The following MARK2 variants were observed in gnomAD, a reference collection of about 807,000 sequenced individuals.
The protein encoded by MARK2 is microtubule affinity regulating kinase 2, also known as serine/threonine-protein kinase MARK2.
Under a neutral mutation model 89.8 loss-of-function variants are expected in MARK2, and 16 were observed. That is an observed-to-expected ratio of 0.18 (90% CI 0.12 to 0.27). MARK2 has a LOEUF of 0.27. Among genes scored for constraint, MARK2 ranks in the 10% least tolerant of loss-of-function variants. MARK2 has a pLI of 1.00. For missense variants in MARK2, 621 were observed against 1,049.9 expected (o/e 0.59, Z 5.65); for synonymous variants, 382 against 399.5 (o/e 0.96, Z 0.52).
intron 1 of MARK2, among the ~76,000 whole-genome samples, chr11:63,841,387 G>A (rs2016008438): frequency 6.6e-6 from 1 of 152,118 alleles, no homozygotes; most frequent in Admixed American, 6.5e-5. Flanking sequence ...TGAGAGGGAG[G>A]GATGGTTGAT....
intron 3 of MARK2, among the ~76,000 whole-genome samples, chr11:63,897,311 A>G (rs1188879372): frequency 6.6e-6 from 1 of 152,242 alleles, no homozygotes; most frequent in Non-Finnish European, 1.5e-5. Flanking sequence ...AAAAAGTAAG[A>G]AAAACCTAGG....
At chr11:63,882,528 G>C (rs1004308464) in intron 1 of MARK2, 1 of 152,112 alleles carries the variant, frequency 6.6e-6, no homozygotes, top group Non-Finnish European at 1.5e-5. Context: ...AGGTTGCAGT[G>C]AGCCGAGATC....
At position 63,903,864 on chromosome 11, in the gene MARK2, C is replaced by CTG; in HGVS notation, c.1515-122_1515-121insTG. The CTG allele has an allele frequency of 1.4e-6, 1 of 734,092 alleles. No homozygotes were observed. Among genetic ancestry groups the CTG allele is most frequent in the African/African-American group, 1.8e-5 (1 of 56,018 alleles). 45.5% of individuals were successfully genotyped at this position (734,092 alleles called of 1,614,324 possible). On this transcript the variant is annotated intron_variant, in intron 14 of 18. Transcript: ENST00000402010. The surrounding 1 kb of genome is among the most constrained non-coding windows in gnomAD (Gnocchi z 5.1). The stretch of plus-strand genomic sequence containing the variant: ...GACTTGCATCCCGCTGCTGCCCAGG[C>CTG]CTGACTTCTACCCTGCCAGAGCTCC...
chr11:63,892,495 C>T (rs1324266781), intron 1 of MARK2, among the ~76,000 whole-genome samples: 1 of 152,066 alleles, frequency 6.6e-6, no homozygotes, highest in Non-Finnish European at 1.5e-5. Context: ...TTTTTGAGTG[C>T]TTCACGTACA....
intron 1 of MARK2, chr11:63,890,356 AG>A: frequency 9.3e-7 from 1 of 1,080,942 alleles, no homozygotes; most frequent in Non-Finnish European, 1.3e-6. Context: ...AGTCCCGAAA[AG>A]GGGGTTGGTG....
chr11:63,866,713 G>GT (rs1938154295), intron 1 of MARK2, among the ~76,000 whole-genome samples: 1 of 151,850 alleles, frequency 6.6e-6, no homozygotes, highest in Non-Finnish European at 1.5e-5. Flanking sequence ...GTGTTTTTTT[G>GT]TTTTTTGTTT....
rs138070505 is a variant in MARK2 at position 63,901,732 on chromosome 11, G to A, written c.1102-466G>A. On this transcript the variant is annotated intron_variant, in intron 11 of 18. Coordinates refer to ENST00000402010, the MANE Select transcript of MARK2 (RefSeq NM_001039469.3). ...TGTGTGTGTGTGTGTGTATGTGTCCGTCTTCCCGTCTGTGGATCTGGAGAC... is the reference window on the plus strand; with the variant it reads ...TGTGTGTGTGTGTGTGTATGTGTCCATCTTCCCGTCTGTGGATCTGGAGAC... Among the ~76,000 whole-genome samples, 892 of 150,968 alleles carry A rather than the reference G, an allele frequency of 5.9e-3. 8 individuals carry two copies. Among genetic ancestry groups the A allele is most frequent in the Non-Finnish European group, 8.6e-3 (581 of 67,814 alleles).
At chr11:63,895,087 A>T in intron 1 of MARK2, 72 bp from the exon 2 acceptor site, 1 of 1,318,456 alleles carries the variant, frequency 7.6e-7, no homozygotes, top group Non-Finnish European at 1.1e-6. Flanking sequence ...CTCATCCCTT[A>T]TATATTTTGC....
chr11:63,907,442 T>C (rs926542534), intron 17 of MARK2, among the ~76,000 whole-genome samples: 1 of 152,220 alleles, frequency 6.6e-6, no homozygotes, highest in Non-Finnish European at 1.5e-5. Flanking sequence ...CTGCTCTTCC[T>C]CCTTCCTCTC....
intron 6 of MARK2, 57 bp from the exon 7 acceptor site, chr11:63,898,995 A>T: frequency 1.5e-6 from 2 of 1,327,916 alleles, no homozygotes; most frequent in Non-Finnish European, 2.2e-6. Flanking sequence ...CTGCTCTGTC[A>T]GCCCCTGTGG....
chr11:63,907,160 G>A (rs138583188), intron 17 of MARK2, among the ~76,000 whole-genome samples: 36 of 152,310 alleles, frequency 2.4e-4, no homozygotes, highest in African/African-American at 7.2e-4. Flanking sequence ...CCTGCATTGG[G>A]ACTGGGATGC....
intron 1 of MARK2, among the ~76,000 whole-genome samples, chr11:63,843,035 C>T (rs1320350619): frequency 1.3e-5 from 2 of 151,998 alleles, no homozygotes; most frequent in African/African-American, 4.8e-5. Context: ...TAAGCCCTGT[C>T]TTTAAGATGG....
chr11:63,856,844 C>G (rs1304869826), intron 1 of MARK2, among the ~76,000 whole-genome samples: 2 of 112,280 alleles, frequency 1.8e-5, no homozygotes, highest in African/African-American at 6.9e-5. Context: ...CTCTCACTCT[C>G]TCGCCCAGGC....
chr11:63,864,917 A>G (rs1938041656), intron 1 of MARK2, among the ~76,000 whole-genome samples: 1 of 152,018 alleles, frequency 6.6e-6, no homozygotes, highest in South Asian at 2.1e-4. Context: ...TTCTTTTGAG[A>G]CGAGAGTCTG....
rs1192932183 is a variant in MARK2 at position 63,900,257 on chromosome 11, C to T, written c.768+147C>T. 2.5e-5 allele frequency: 18 copies of T among 710,048 alleles called. No individual in the cohort carries two copies. The Admixed American group carries it at 4.2e-4, about 17-fold the overall frequency. The allele number at this position is 710,048 out of a possible 1,614,324, so 44.0% of individuals were successfully genotyped here. A position where few individuals can be genotyped will look rare whatever the true frequency, so the allele number is the denominator to read the frequency against. On this transcript the variant is annotated intron_variant, in intron 8 of 18. Transcript: ENST00000402010. This position sits in a 1 kb window ranked among gnomAD's most constrained non-coding sequence, Gnocchi z 4.7. ...TTGCTGAGGTAGCAGCAGTCAAAGG[C>T]CTTCTGCACCTGGGAATGAATAACC...
Position 63,900,131 on chromosome 11 carries a change from T to C in MARK2, c.768+21T>C, listed in dbSNP as rs1266980553. ...TCAAGGTGGAGTGAAGTGCAAGCTT[T>C]TTATTGCTTCTCATTTCCTCTCGGC... On this transcript the variant is annotated intron_variant, in intron 8 of 18. Transcript: ENST00000402010. This position sits in a 1 kb window ranked among gnomAD's most constrained non-coding sequence, Gnocchi z 4.7. 2.9e-5 allele frequency: 45 copies of C among 1,550,644 alleles called. No individual in the cohort carries two copies. The highest frequency in any genetic ancestry group is 3.5e-5 in the Non-Finnish European group (39 of 1,122,572).
chr11:63,856,721 T>A (rs144085085), intron 1 of MARK2, among the ~76,000 whole-genome samples: 79 of 146,582 alleles, frequency 5.4e-4, no homozygotes, highest in African/African-American at 1.8e-3. Context: ...CTGCAACCTG[T>A]CTTGTTTTTT....
chr11:63,843,462 G>C (rs2016120871), intron 1 of MARK2, among the ~76,000 whole-genome samples: 1 of 152,100 alleles, frequency 6.6e-6, no homozygotes, highest in Admixed American at 6.6e-5. Context: ...CAGGCTTCTA[G>C]GCAGTGAGCG....
In MARK2 at chr11:63,908,250, G is replaced by GT. The variant is rs1941507198; in HGVS notation, c.1962-4dup. The GT allele has an allele frequency of 7.7e-6, 12 of 1,558,482 alleles. No homozygotes were observed. Among genetic ancestry groups the GT allele is most frequent in the Non-Finnish European group, 9.6e-6 (11 of 1,150,368 alleles). On this transcript the variant is annotated splice_polypyrimidine_tract_variant and intron_variant, in intron 17 of 18. Transcript: ENST00000402010. ...CCAGCACTAAACTCTCCCTCGCTCT[G>GT]TTTTTTGAGGAACCTGAATGAACCT... is the stretch of plus-strand genomic sequence containing the variant.
Sources: gnomAD v4.1 joint callset for allele counts (sites outside exome capture counted in the v4.1 genomes callset) on GRCh38, gnomAD v4.1.1 for gene constraint, Gnocchi (gnomAD v3.1) non-coding constraint, MANE v1.5 for transcripts, NCBI Gene and HGNC (gene_info 2026-07-23, HGNC 2026-07-21) for gene names.